Variants in CALCRL observed in about 807,000 individuals in gnomAD.
CALCRL encodes calcitonin gene-related peptide type 1 receptor.
CALCRL carries 27 observed loss-of-function variants against 60.4 expected under a neutral mutation model. The ratio of observed to expected loss-of-function variants is 0.45; its 90% CI spans 0.33 to 0.62. The LOEUF (loss-of-function observed/expected upper bound fraction) is 0.62, where lower values mean the gene tolerates loss of function less well. Ranked by LOEUF, CALCRL falls within the 20% of genes least tolerant of loss-of-function variation. The probability of loss-of-function intolerance (pLI) is 0.03; values close to 1 mark genes in which losing one functional copy is unlikely to be tolerated. For synonymous variants in CALCRL, 190 were observed against 182.6 expected, an observed-to-expected ratio of 1.04 and a Z score of -0.33; for missense variants, 424 against 540.7, an observed-to-expected ratio of 0.78 and a Z score of 2.14.
chr2:187,356,659 A>T (rs1290761416), intron 12 of CALCRL, among the ~76,000 whole-genome samples: 1 of 152,214 alleles, frequency 6.6e-6, no homozygotes. Flanking sequence ...GACAAACGGG[A>T]TCTAATTAAA....
chr2:187,378,901 C>T (rs1687878103), intron 8 of CALCRL, 39 bp downstream of exon 8: 1 of 1,183,052 alleles, frequency 8.5e-7, no homozygotes, highest in Non-Finnish European at 1.3e-6. Context: ...TCACCCAAGA[C>T]ATCTAGTAAT....
chr2:187,418,039 A>T (rs1689696040), intron 1 of CALCRL, among the ~76,000 whole-genome samples: 1 of 152,178 alleles, frequency 6.6e-6, no homozygotes. Flanking sequence ...CATGCAGTCA[A>T]GTTACTACCC....
At position 187,342,889 on chromosome 2, in the gene CALCRL, A is replaced by T. The variant is rs996322091; in HGVS notation, c.*3295T>A. Among the ~76,000 whole-genome samples the T allele has an allele frequency of 1.3e-5, 2 of 151,576 alleles. No homozygotes were observed. Among genetic ancestry groups the T allele is most frequent in the African/African-American group, 2.4e-5 (1 of 41,396 alleles). On this transcript the variant is annotated 3_prime_UTR_variant, in exon 15 of 15. Coordinates refer to ENST00000392370, the MANE Select transcript of CALCRL (RefSeq NM_005795.6). ...GAAATCTTTGAAACATTTTCATTTT[A>T]TATTTGTGTGAGAGCCATGAATATG...
intron 1 of CALCRL, among the ~76,000 whole-genome samples, chr2:187,395,397 T>A (rs942097578): frequency 1.3e-4 from 20 of 152,124 alleles, no homozygotes; most frequent in African/African-American, 4.8e-4. Context: ...ATTCCTCTTC[T>A]TAGCAATGTC....
intron 12 of CALCRL, among the ~76,000 whole-genome samples, chr2:187,355,749 C>A (rs1356073927): frequency 6.6e-6 from 1 of 152,050 alleles, no homozygotes; most frequent in Admixed American, 6.6e-5. Context: ...ATTTAGAAAA[C>A]CCCATCGACT....
chr2:187,400,497 A>G (rs1574277769), intron 1 of CALCRL, among the ~76,000 whole-genome samples: 1 of 151,558 alleles, frequency 6.6e-6, no homozygotes, highest in African/African-American at 2.4e-5. Context: ...TTAAACATAG[A>G]GTTACTATAT....
At chr2:187,442,080 A>AT (rs1421277428) in intron 1 of CALCRL, 1 of 75,262 alleles carries the variant, frequency 1.3e-5, no homozygotes, top group African/African-American at 6.9e-5. Flanking sequence ...TTATATATAT[A>AT]TATATATATA....
Position 187,383,153 on chromosome 2 carries a change from A to C in CALCRL, c.184+20T>G, listed in dbSNP as rs1330898503. 1 of 1,604,980 alleles carries C rather than the reference A, an allele frequency of 6.2e-7. No individual in the cohort carries two copies. Among genetic ancestry groups the C allele is most frequent in the South Asian group, 1.1e-5 (1 of 89,314 alleles). ...TTAAAAATATGTCAAATGCATTTAC[A>C]ACTAAGTAGCCATGCTTACCTTCTG... On this transcript the variant is annotated intron_variant, in intron 5 of 14. Transcript: ENST00000392370.
At chr2:187,402,568 A>G (rs1328445167) in intron 1 of CALCRL, among the ~76,000 whole-genome samples, 4 of 151,780 alleles carry the variant, frequency 2.6e-5, no homozygotes, top group Non-Finnish European at 4.4e-5. Flanking sequence ...ACAGAAAAGC[A>G]GATTAATGGT....
chr2:187,363,801 T>A (rs1687161618), intron 8 of CALCRL, among the ~76,000 whole-genome samples: 1 of 152,182 alleles, frequency 6.6e-6, no homozygotes, highest in African/African-American at 2.4e-5. Context: ...AATAGTTTAA[T>A]TCATTTTGCA....
At chr2:187,431,607 A>G (rs1690408678) in intron 1 of CALCRL, among the ~76,000 whole-genome samples, 1 of 152,122 alleles carries the variant, frequency 6.6e-6, no homozygotes, top group Admixed American at 6.6e-5. Flanking sequence ...TGTCCTAAGA[A>G]TAGGAACTCC....
intron 1 of CALCRL, among the ~76,000 whole-genome samples, chr2:187,396,021 TTTGTTG>T (rs529744154): frequency 0.057 from 3,616 of 63,808 alleles, 130 homozygotes; most frequent in African/African-American, 0.15. Context: ...CCTGACACTG[TTTGTTG>T]TTGTTGTTGT....
intron 1 of CALCRL, among the ~76,000 whole-genome samples, chr2:187,425,224 A>C (rs1474761202): frequency 4.6e-5 from 7 of 152,008 alleles, no homozygotes; most frequent in African/African-American, 7.2e-5. Context: ...TTTTATGACA[A>C]CATAAATGTT....
At chr2:187,358,814 G>T (rs1020023331) in intron 12 of CALCRL, among the ~76,000 whole-genome samples, 1 of 152,066 alleles carries the variant, frequency 6.6e-6, no homozygotes, top group Non-Finnish European at 1.5e-5. Context: ...TCTCTCTTCA[G>T]GTCTAGCTGT....
Position 187,360,581 on chromosome 2 carries a change from T to C in CALCRL, c.781+17A>G, listed in dbSNP as rs373011472. 2 of 1,594,626 alleles carry C rather than the reference T, an allele frequency of 1.3e-6. No individual in the cohort carries two copies. Among genetic ancestry groups the C allele is most frequent in the African/African-American group, 1.4e-5 (1 of 74,070 alleles). On this transcript the variant is annotated intron_variant, in intron 10 of 14. Transcript: ENST00000392370. ...CTTTAATCCACTGAATCAACAAGTA[T>C]GTATAATAACACTTACCCCAGCCAA...
chr2:187,358,242 G>T (rs1409108152), intron 12 of CALCRL, among the ~76,000 whole-genome samples: 1 of 151,970 alleles, frequency 6.6e-6, no homozygotes, highest in Admixed American at 6.6e-5. Flanking sequence ...TATAGTCTTA[G>T]CTTCTCAAGA....
intron 12 of CALCRL, among the ~76,000 whole-genome samples, chr2:187,357,049 T>C (rs540110002): frequency 6.6e-5 from 10 of 152,130 alleles, no homozygotes; most frequent in Admixed American, 1.3e-4. Context: ...TTTTACAATG[T>C]TGGTGGGAGT....
chr2:187,428,245 T>G (rs539884271), intron 1 of CALCRL: 8 of 152,342 alleles, frequency 5.3e-5, no homozygotes, highest in African/African-American at 1.9e-4. Flanking sequence ...TGATTACCAG[T>G]ACTTACTTAT....
At chr2:187,424,491 T>G (rs891965845) in intron 1 of CALCRL, among the ~76,000 whole-genome samples, 1 of 152,068 alleles carries the variant, frequency 6.6e-6, no homozygotes, top group Non-Finnish European at 1.5e-5. Flanking sequence ...AATGCAAATA[T>G]TATTTCATTT....
Sources: gnomAD v4.1 joint callset for allele counts (sites outside exome capture counted in the v4.1 genomes callset) on GRCh38, gnomAD v4.1.1 for gene constraint, MANE v1.5 for transcripts, NCBI Gene and HGNC (gene_info 2026-07-23, HGNC 2026-07-21) for gene names.